The following SSBP3 variants were observed in gnomAD, a reference collection of about 807,000 sequenced individuals.
SSBP3 encodes single-stranded DNA-binding protein 3.
Under a neutral mutation model 69.6 loss-of-function variants are expected in SSBP3, and 5 were observed. The observed-to-expected ratio is 0.07, with a 90% CI of 0.04 to 0.15. SSBP3 has a LOEUF of 0.15. Ranked by LOEUF, SSBP3 falls within the 10% of genes least tolerant of loss-of-function variation. The probability of loss-of-function intolerance (pLI) is 1.00; values close to 1 mark genes in which losing one functional copy is unlikely to be tolerated. For missense variants in SSBP3, 312 were observed against 534.0 expected (o/e 0.58, Z 4.10); for synonymous variants, 196 against 193.4 (o/e 1.01, Z -0.11).
chr1:54,391,063 C>T (rs563966485), intron 4 of SSBP3, among the ~76,000 whole-genome samples: 4 of 152,342 alleles, frequency 2.6e-5, no homozygotes, highest in South Asian at 2.1e-4. Context: ...GACACAGACA[C>T]GGGCGCCAGC....
intron 4 of SSBP3, among the ~76,000 whole-genome samples, chr1:54,291,509 C>A (rs145888827): frequency 2.6e-5 from 4 of 152,318 alleles, no homozygotes; most frequent in Non-Finnish European, 4.4e-5. Context: ...CGGCGCTGAG[C>A]AGATGCCGTC....
intron 4 of SSBP3, among the ~76,000 whole-genome samples, chr1:54,314,431 T>C (rs575362458): frequency 6.6e-6 from 1 of 152,352 alleles, no homozygotes; most frequent in African/African-American, 2.4e-5. Context: ...ATATCACACA[T>C]GTCACCAAAG....
intron 14 of SSBP3, among the ~76,000 whole-genome samples, chr1:54,235,584 C>G (rs1399668225): frequency 6.6e-6 from 1 of 151,338 alleles, no homozygotes; most frequent in Non-Finnish European, 1.5e-5. Context: ...TCCTGAGTAG[C>G]TGGGATTACA....
chr1:54,304,719 C>T (rs1409723193), intron 4 of SSBP3, among the ~76,000 whole-genome samples: 1 of 152,192 alleles, frequency 6.6e-6, no homozygotes, highest in Non-Finnish European at 1.5e-5. Flanking sequence ...AGACAAGGAA[C>T]ACTGCTGGTG....
intron 14 of SSBP3, among the ~76,000 whole-genome samples, chr1:54,233,345 G>GGCCA (rs1644418778): frequency 6.8e-6 from 1 of 147,170 alleles, no homozygotes; most frequent in African/African-American, 2.5e-5. Flanking sequence ...GTCTCTGCCC[G>GGCCA]GCCGCCCCGT....
chr1:54,396,822 C>T (rs913765119), intron 4 of SSBP3, among the ~76,000 whole-genome samples: 1 of 152,210 alleles, frequency 6.6e-6, no homozygotes, highest in Non-Finnish European at 1.5e-5. Flanking sequence ...GCCCCACCTC[C>T]CGCCTTGAAA....
chr1:54,306,323 C>CA (rs931474929), intron 4 of SSBP3, among the ~76,000 whole-genome samples: 1 of 152,164 alleles, frequency 6.6e-6, no homozygotes, highest in Non-Finnish European at 1.5e-5. Flanking sequence ...AGCCGTGTGT[C>CA]AAAAAACACA....
intron 4 of SSBP3, among the ~76,000 whole-genome samples, chr1:54,316,362 G>C (rs763598102): frequency 6.8e-6 from 1 of 146,266 alleles, no homozygotes. Flanking sequence ...TAAATAGGCC[G>C]GGCGCGGTGG....
At chr1:54,342,181 T>C (rs1379489379) in intron 4 of SSBP3, among the ~76,000 whole-genome samples, 1 of 152,214 alleles carries the variant, frequency 6.6e-6, no homozygotes, top group African/African-American at 2.4e-5. Flanking sequence ...AGTCCAGGCA[T>C]CCAGGTCTGG....
intron 9 of SSBP3, 57 bp from the exon 10 acceptor site, chr1:54,243,356 G>C: frequency 6.3e-7 from 1 of 1,595,834 alleles, no homozygotes; most frequent in Non-Finnish European, 8.6e-7. Flanking sequence ...GACAGGAGGA[G>C]GGAGGAGAAA....
chr1:54,338,602 C>CTA (rs1557544957), intron 4 of SSBP3, among the ~76,000 whole-genome samples: 1 of 152,224 alleles, frequency 6.6e-6, no homozygotes, highest in East Asian at 1.9e-4. Flanking sequence ...AATATATATA[C>CTA]TAAAGGGTAT....
chr1:54,393,721 T>C lies in SSBP3; in HGVS notation c.276+8140A>G, dbSNP rs531852434. On this transcript the variant is annotated intron_variant, in intron 4 of 17. Coordinates refer to ENST00000610401, the Ensembl canonical transcript of SSBP3. ...GGCACTATTATATATTGTGTGTATA[T>C]GTGTAAACTTAATCTTTATGACCTT... Among the ~76,000 whole-genome samples the C allele has an allele frequency of 7.2e-5, 11 of 152,328 alleles. No homozygotes were observed. The East Asian group carries it at 1.7e-3, about 24-fold the overall frequency.
chr1:54,363,581 T>A (rs17110494), intron 4 of SSBP3, among the ~76,000 whole-genome samples: 17,383 of 152,060 alleles, frequency 0.11, 2,775 homozygotes, highest in African/African-American at 0.36. Flanking sequence ...AGAAATAGAC[T>A]GAAAAATAAG....
intron 7 of SSBP3, among the ~76,000 whole-genome samples, chr1:54,256,056 A>AGC (rs1644915364): frequency 6.6e-6 from 1 of 151,916 alleles, no homozygotes. Context: ...AGCCTGGGAG[A>AGC]CAGAGCGAGA....
intron 4 of SSBP3, among the ~76,000 whole-genome samples, chr1:54,374,473 T>C (rs1186271392): frequency 6.6e-6 from 1 of 152,246 alleles, no homozygotes; most frequent in Non-Finnish European, 1.5e-5. Flanking sequence ...GTTCTTGACC[T>C]GTCCAAGCCT....
At chr1:54,245,501 G>A (rs1049109336) in intron 9 of SSBP3, among the ~76,000 whole-genome samples, 8 of 152,218 alleles carry the variant, frequency 5.3e-5, no homozygotes, top group African/African-American at 1.7e-4. Flanking sequence ...AGTGGGTTCT[G>A]CATCCAGGGA....
chr1:54,243,850 C>T (rs138996199), intron 9 of SSBP3, among the ~76,000 whole-genome samples: 34 of 152,346 alleles, frequency 2.2e-4, no homozygotes, highest in Non-Finnish European at 4.6e-4. Context: ...CATCAGAGGC[C>T]CTCCACAGAC....
rs865869223 is a variant in SSBP3 at position 54,289,029 on chromosome 1, A to C, written c.277-7502T>G. ...AGCTAGACTCTGTCTCCAAAAAAAA[A>C]AAAAAAACAAAAAAACAAAAAAAAA... On this transcript the variant is annotated intron_variant, in intron 4 of 17. Coordinates refer to ENST00000610401, the Ensembl canonical transcript of SSBP3. Among the ~76,000 whole-genome samples the C allele has an allele frequency of 4.4e-4, 33 of 75,102 alleles. 1 individual carries two copies. Among genetic ancestry groups the C allele is most frequent in the South Asian group, 2.7e-3 (7 of 2,636 alleles). The allele number at this position is 75,102 out of a possible 152,430, so 49.3% of individuals were successfully genotyped here.
At chr1:54,343,452 G>C (rs1418224821) in intron 4 of SSBP3, among the ~76,000 whole-genome samples, 1 of 152,176 alleles carries the variant, frequency 6.6e-6, no homozygotes, top group Non-Finnish European at 1.5e-5. Context: ...AAACCACACG[G>C]TGACTATCAC....
Sources: allele counts gnomAD v4.1 joint callset (sites outside exome capture counted in the v4.1 genomes callset), GRCh38; gene constraint gnomAD v4.1.1; transcripts MANE v1.5; gene names NCBI Gene and HGNC (gene_info 2026-07-23, HGNC 2026-07-21).